MEGF11: variants seen among roughly 807,000 people sequenced by gnomAD.
MEGF11 encodes multiple EGF like domains 11.
MEGF11 carries 126 observed loss-of-function variants against 146.6 expected under a neutral mutation model. That is an observed-to-expected ratio of 0.86 (90% CI 0.74 to 1.00). The LOEUF (loss-of-function observed/expected upper bound fraction) is 1.00. MEGF11 is among the 50% of genes least tolerant of loss of function. The pLI, the probability that MEGF11 is intolerant of heterozygous loss-of-function variation, is 0.00. For missense variants in MEGF11, 1,509 were observed against 1,521.2 expected (o/e 0.99, Z 0.13); for synonymous variants, 532 against 583.4 (o/e 0.91, Z 1.27).
At chr15:66,025,804 C>T (rs183911104) in intron 5 of MEGF11, among the ~76,000 whole-genome samples, 2 of 152,314 alleles carry the variant, frequency 1.3e-5, no homozygotes, top group Admixed American at 1.3e-4. Flanking sequence ...ACCCCAGGAC[C>T]TGCTTCCCAA....
At chr15:66,047,062 G>A (rs333603) in intron 5 of MEGF11, among the ~76,000 whole-genome samples, 96,820 of 152,108 alleles carry the variant, frequency 0.64, 33,174 homozygotes, top group Admixed American at 0.77. Context: ...ATTCTGAAAA[G>A]CTGGGTCGAA....
chr15:65,985,545 CAT>C (rs1486204194), intron 5 of MEGF11, among the ~76,000 whole-genome samples: 2 of 152,268 alleles, frequency 1.3e-5, no homozygotes, highest in East Asian at 3.9e-4. Context: ...CATCGCAGGG[CAT>C]ACAGTTATGC....
At chr15:66,155,138 T>A (rs1431521037) in intron 1 of MEGF11, among the ~76,000 whole-genome samples, 3 of 152,230 alleles carry the variant, frequency 2.0e-5, no homozygotes, top group African/African-American at 7.2e-5. Flanking sequence ...AGGTCCTGAA[T>A]GAGACCCTGG....
At chr15:66,050,614 C>T (rs1228395228) in intron 5 of MEGF11, among the ~76,000 whole-genome samples, 4 of 152,164 alleles carry the variant, frequency 2.6e-5, no homozygotes, top group South Asian at 4.1e-4. Flanking sequence ...TGGGAGCCAT[C>T]GGAGGCCTGG....
Position 66,007,221 on chromosome 15 carries a change from A to G in MEGF11, c.395-24733T>C, listed in dbSNP as rs28540171. On this transcript the variant is annotated intron_variant, in intron 5 of 25. Coordinates refer to ENST00000395614, the MANE Select transcript of MEGF11 (RefSeq NM_001385028.1). ...TATGTTGACGGCAGCGTTTACATGC[A>G]TCACTAGCAGCATGAGGCTTATGCA... Among the ~76,000 whole-genome samples the G allele has an allele frequency of 8.6e-3, 1,312 of 152,356 alleles. 19 individuals are homozygous for G. The highest frequency in any genetic ancestry group is 0.03 in the African/African-American group (1,230 of 41,578).
chr15:66,237,145 G>A (rs923301115), intron 1 of MEGF11, among the ~76,000 whole-genome samples: 1 of 152,148 alleles, frequency 6.6e-6, no homozygotes, highest in Non-Finnish European at 1.5e-5. Flanking sequence ...CAGGGACCAC[G>A]TTATCTTCAT....
Position 65,929,776 on chromosome 15 carries a change from C to T in MEGF11, c.1516G>A (p.Gly506Ser), listed in dbSNP as rs376350312. ...ANGAACSPID[G>S]SCSCTPGWLG... ...CAGCCAGGAGTGCAGGAGCAGGAGC[C>T]GTCTATGGGGCTGCAGGCTGCCCCA... Residue 506 changes from glycine (G) to serine (S), a missense_variant, in exon 12 of 26, where the codon GGC becomes AGC. Gly to Ser is a moderately conservative substitution (Grantham distance 56, BLOSUM62 0). Transcript: ENST00000395614. 15 of 1,557,248 alleles carry T rather than the reference C, an allele frequency of 9.6e-6. No homozygotes were observed. Among genetic ancestry groups the T allele is most frequent in the Admixed American group, 3.9e-5 (2 of 51,618 alleles).
At chr15:66,195,842 T>C (rs2090995008) in intron 1 of MEGF11, among the ~76,000 whole-genome samples, 1 of 152,126 alleles carries the variant, frequency 6.6e-6, no homozygotes. Context: ...CCCTATCAGG[T>C]TGCATCTGTG....
intron 10 of MEGF11, among the ~76,000 whole-genome samples, chr15:65,933,543 C>T (rs948443671): frequency 6.6e-6 from 1 of 152,216 alleles, no homozygotes; most frequent in Non-Finnish European, 1.5e-5. Flanking sequence ...AATGCCGTGT[C>T]AGTTTCCTCC....
At chr15:66,103,180 T>G (rs573810533) in intron 4 of MEGF11, among the ~76,000 whole-genome samples, 1 of 152,356 alleles carries the variant, frequency 6.6e-6, no homozygotes, top group Admixed American at 6.5e-5. Context: ...GACCGGCAGC[T>G]GCAGCCATAT....
At chr15:66,045,513 A>G (rs1567216213) in intron 5 of MEGF11, among the ~76,000 whole-genome samples, 3 of 152,190 alleles carry the variant, frequency 2.0e-5, no homozygotes, top group Admixed American at 2.0e-4. Flanking sequence ...TCAGCTTGAT[A>G]TCAATGCCCA....
intron 5 of MEGF11, among the ~76,000 whole-genome samples, chr15:66,011,898 A>G (rs1301357150): frequency 6.6e-6 from 1 of 152,180 alleles, no homozygotes; most frequent in Non-Finnish European, 1.5e-5. Flanking sequence ...ACAATAGCAC[A>G]TAAATTATGT....
intron 1 of MEGF11, among the ~76,000 whole-genome samples, chr15:66,242,420 AAAGAAAG>A (rs1567296324): frequency 5.1e-5 from 7 of 137,578 alleles, no homozygotes; most frequent in Admixed American, 2.9e-4. Context: ...AAAAAAAAAG[AAAGAAAG>A]AAAGAAAGAA....
intron 5 of MEGF11, among the ~76,000 whole-genome samples, chr15:66,009,510 G>A (rs541443901): frequency 2.0e-5 from 3 of 152,136 alleles, no homozygotes; most frequent in African/African-American, 7.2e-5. Flanking sequence ...GTCTTAGGGT[G>A]AGTTGTAGGG....
At chr15:65,941,541 A>G (rs1209771072) in intron 10 of MEGF11, among the ~76,000 whole-genome samples, 1 of 152,126 alleles carries the variant, frequency 6.6e-6, no homozygotes, top group Non-Finnish European at 1.5e-5. Context: ...TGGCTGAGTC[A>G]TCCAGGGTGC....
At chr15:65,952,345 G>T (rs1034268387) in intron 10 of MEGF11, among the ~76,000 whole-genome samples, 2 of 152,198 alleles carry the variant, frequency 1.3e-5, no homozygotes, top group African/African-American at 4.8e-5. Context: ...GAGCCACAGA[G>T]AGGGGTGATG....
chr15:66,026,203 T>C (rs893778845), intron 5 of MEGF11, among the ~76,000 whole-genome samples: 22 of 152,228 alleles, frequency 1.4e-4, no homozygotes, highest in Non-Finnish European at 2.8e-4. Context: ...AACTTTAATG[T>C]GCATGAGAAT....
intron 5 of MEGF11, among the ~76,000 whole-genome samples, chr15:66,010,980 G>A (rs1255254509): frequency 6.6e-6 from 1 of 152,138 alleles, no homozygotes; most frequent in Non-Finnish European, 1.5e-5. Context: ...CTAGAGCACT[G>A]GGGACAATGG....
At chr15:66,057,925 A>C (rs1376545052) in intron 5 of MEGF11, among the ~76,000 whole-genome samples, 1 of 152,240 alleles carries the variant, frequency 6.6e-6, no homozygotes, top group Non-Finnish European at 1.5e-5. Context: ...ATGCCAGGCC[A>C]TAAAGATGAA....
Sources: allele counts gnomAD v4.1 joint callset (sites outside exome capture counted in the v4.1 genomes callset), GRCh38; gene constraint gnomAD v4.1.1; transcripts MANE v1.5; gene names NCBI Gene and HGNC (gene_info 2026-07-23, HGNC 2026-07-21).